NEK7: variants seen among roughly 807,000 people sequenced by gnomAD.
The protein encoded by NEK7 is NIMA related kinase 7, also known as serine/threonine-protein kinase Nek7.
A neutral mutation model predicts 44.6 loss-of-function variants in NEK7; 18 were observed. The observed-to-expected ratio is 0.40, with a 90% CI of 0.28 to 0.60. The LOEUF (loss-of-function observed/expected upper bound fraction) is 0.60. NEK7 is among the 20% of genes least tolerant of loss of function. The pLI, the probability that NEK7 is intolerant of heterozygous loss-of-function variation, is 0.38. For synonymous variants in NEK7, 130 were observed against 121.1 expected (o/e 1.07, Z -0.48); for missense variants, 256 against 366.5 (o/e 0.70, Z 2.46).
At chr1:198,270,842 G>A (rs1024920601) in intron 5 of NEK7, among the ~76,000 whole-genome samples, 4 of 152,024 alleles carry the variant, frequency 2.6e-5, no homozygotes, top group African/African-American at 9.7e-5. Context: ...CTAGATTCCT[G>A]TGGGTCAGGA....
intron 1 of NEK7, among the ~76,000 whole-genome samples, chr1:198,195,391 A>G (rs181432239): frequency 6.6e-6 from 1 of 152,354 alleles, no homozygotes; most frequent in Admixed American, 6.5e-5. Flanking sequence ...AAAGGAATGT[A>G]TTATGGATGC....
chr1:198,208,470 A>T (rs1043116363), intron 1 of NEK7: 2 of 152,100 alleles, frequency 1.3e-5, no homozygotes, highest in East Asian at 3.9e-4. Flanking sequence ...TTGACCTCCC[A>T]AGCTCATGCA....
At chr1:198,203,406 G>A (rs1665495778) in intron 1 of NEK7, among the ~76,000 whole-genome samples, 1 of 152,202 alleles carries the variant, frequency 6.6e-6, no homozygotes, top group Admixed American at 6.5e-5. Context: ...GCTTCTGGTT[G>A]CACCCCCAGG....
intron 2 of NEK7, 82 bp from the exon 3 acceptor site, chr1:198,252,958 A>G: frequency 8.6e-7 from 1 of 1,167,202 alleles, no homozygotes; most frequent in Non-Finnish European, 1.2e-6. Context: ...TGTGTCACCT[A>G]CATATATGAA....
intron 1 of NEK7, among the ~76,000 whole-genome samples, chr1:198,159,302 A>AAAGGAAGG (rs575843937): frequency 5.9e-5 from 9 of 151,888 alleles, no homozygotes; most frequent in Non-Finnish European, 1.3e-4. Flanking sequence ...AGAAAGAAAG[A>AAAGGAAGG]AAGGAAGGAA....
chr1:198,191,043 AT>A (rs201997378), intron 1 of NEK7, among the ~76,000 whole-genome samples: 1 of 151,924 alleles, frequency 6.6e-6, no homozygotes, highest in East Asian at 1.9e-4. Context: ...TTTACAAAAT[AT>A]TTTTTTTCTA....
chr1:198,180,823 G>C (rs896182380), intron 1 of NEK7, among the ~76,000 whole-genome samples: 2 of 152,018 alleles, frequency 1.3e-5, no homozygotes, highest in Admixed American at 1.3e-4. Flanking sequence ...AAATAAAAGT[G>C]TGAATAAGTA....
chr1:198,242,953 A>G (rs1228729527), intron 2 of NEK7, among the ~76,000 whole-genome samples: 1 of 151,796 alleles, frequency 6.6e-6, no homozygotes, highest in Non-Finnish European at 1.5e-5. Context: ...TGTAGGCATG[A>G]GCCACCTCGC....
intron 3 of NEK7, among the ~76,000 whole-genome samples, chr1:198,253,664 T>C (rs1183328536): frequency 6.6e-6 from 1 of 152,204 alleles, no homozygotes; most frequent in Non-Finnish European, 1.5e-5. Flanking sequence ...AGAACATTGA[T>C]ACCTAACTTT....
At chr1:198,178,638 C>T (rs1189495566) in intron 1 of NEK7, among the ~76,000 whole-genome samples, 2 of 151,806 alleles carry the variant, frequency 1.3e-5, no homozygotes, top group African/African-American at 4.8e-5. Flanking sequence ...TTTATTTTGC[C>T]CAGTATTTTG....
chr1:198,268,163 C>G (rs889443578), intron 5 of NEK7, among the ~76,000 whole-genome samples: 1 of 147,462 alleles, frequency 6.8e-6, no homozygotes, highest in Non-Finnish European at 1.5e-5. Context: ...TTTTAATGTT[C>G]TTACGTTATA....
intron 1 of NEK7, among the ~76,000 whole-genome samples, chr1:198,230,232 T>A (rs1010267038): frequency 3.9e-5 from 6 of 152,196 alleles, no homozygotes; most frequent in Non-Finnish European, 7.4e-5. Flanking sequence ...TTGATTTTAA[T>A]ATTGGATTTC....
chr1:198,202,807 C>T (rs1424676101), intron 1 of NEK7, among the ~76,000 whole-genome samples: 2 of 152,132 alleles, frequency 1.3e-5, no homozygotes, highest in Non-Finnish European at 2.9e-5. Flanking sequence ...CCACTGGGTC[C>T]CTCGCACACC....
intron 1 of NEK7, among the ~76,000 whole-genome samples, chr1:198,159,036 G>C (rs574613722): frequency 4.6e-5 from 7 of 152,316 alleles, no homozygotes; most frequent in African/African-American, 1.4e-4. Context: ...GTGTGTGTGC[G>C]GGGGTAGTGT....
intron 1 of NEK7, among the ~76,000 whole-genome samples, chr1:198,229,485 G>A (rs1666324407): frequency 6.6e-6 from 1 of 152,202 alleles, no homozygotes; most frequent in African/African-American, 2.4e-5. Context: ...CTCGGACTGT[G>A]ACTGGTGGAA....
intron 1 of NEK7, among the ~76,000 whole-genome samples, chr1:198,159,087 C>G (rs917173708): frequency 3.9e-5 from 6 of 152,160 alleles, no homozygotes; most frequent in African/African-American, 1.2e-4. Flanking sequence ...AGGACCCTCC[C>G]GGAGGTGCGG....
At chr1:198,187,009 C>G (rs1176130419) in intron 1 of NEK7, among the ~76,000 whole-genome samples, 1 of 152,120 alleles carries the variant, frequency 6.6e-6, no homozygotes, top group Non-Finnish European at 1.5e-5. Flanking sequence ...ATGACTTGTA[C>G]AAAGGAATTT....
At chr1:198,271,839 A>G (rs1653853457) in intron 5 of NEK7, among the ~76,000 whole-genome samples, 1 of 150,328 alleles carries the variant, frequency 6.7e-6, no homozygotes, top group South Asian at 2.1e-4. Context: ...GCAAGTTAGC[A>G]CTATCTGAAA....
Position 198,292,958 on chromosome 1 carries a change from T to C in NEK7, c.603T>C (p.Tyr201=), listed in dbSNP as rs1654604746. Residue 201 remains tyrosine, a synonymous_variant, in exon 8 of 10, where the codon TAT becomes TAC. Transcript: ENST00000367385. ...TAAHSLVGTP[Y]YMSPERIHEN... ...GTTTTTTTGCAGTTGGTACGCCTTA[T>C]TACATGTCTCCAGAGAGAATACATG... The C allele has an allele frequency of 6.3e-7, 1 of 1,585,568 alleles. No individual in the cohort carries two copies. Among genetic ancestry groups the C allele is most frequent in the Admixed American group, 1.7e-5 (1 of 59,858 alleles).
Sources: allele counts gnomAD v4.1 joint callset (sites outside exome capture counted in the v4.1 genomes callset), GRCh38; gene constraint gnomAD v4.1.1; transcripts MANE v1.5; gene names NCBI Gene and HGNC (gene_info 2026-07-23, HGNC 2026-07-21).